MAPK10: variants seen among roughly 807,000 people sequenced by gnomAD.
The protein encoded by MAPK10 is mitogen-activated protein kinase 10.
MAPK10 carries 25 observed loss-of-function variants against 59.3 expected under a neutral mutation model. The ratio of observed to expected loss-of-function variants is 0.42; its 90% confidence interval spans 0.31 to 0.59. MAPK10 has a LOEUF of 0.59. MAPK10 is among the 20% of genes least tolerant of loss of function. MAPK10 has a pLI of 0.15. For synonymous variants in MAPK10, 190 were observed against 200.5 expected (o/e 0.95, Z 0.44); for missense variants, 351 against 568.9 (o/e 0.62, Z 3.90).
intron 1 of MAPK10, among the ~76,000 whole-genome samples, chr4:86,481,126 G>A (rs570268272): frequency 6.0e-4 from 91 of 152,278 alleles, no homozygotes; most frequent in Non-Finnish European, 9.9e-4. Flanking sequence ...TCCTAAACAG[G>A]AAACCAGTGG....
intron 1 of MAPK10, among the ~76,000 whole-genome samples, chr4:86,483,913 A>G (rs1468939591): frequency 6.6e-6 from 1 of 152,204 alleles, no homozygotes; most frequent in Non-Finnish European, 1.5e-5. Context: ...AGATTAAAGA[A>G]TAAGAGGTAG....
At chr4:86,389,113 G>T (rs572315012) in intron 1 of MAPK10, among the ~76,000 whole-genome samples, 1 of 152,224 alleles carries the variant, frequency 6.6e-6, no homozygotes, top group South Asian at 2.1e-4. Flanking sequence ...CTTTGGTGCT[G>T]TTCTCCTGCT....
At chr4:86,166,250 A>T (rs982835726) in intron 3 of MAPK10, among the ~76,000 whole-genome samples, 1 of 152,228 alleles carries the variant, frequency 6.6e-6, no homozygotes, top group Non-Finnish European at 1.5e-5. Context: ...GCAGCTTCTC[A>T]TCTAACTATC....
chr4:86,286,007 T>A (rs2094993460), intron 2 of MAPK10, among the ~76,000 whole-genome samples: 1 of 152,210 alleles, frequency 6.6e-6, no homozygotes, highest in Admixed American at 6.5e-5. Context: ...GTGAGGGCAA[T>A]ACTCTTTACT....
At chr4:86,355,223 A>G (rs1733786799) in intron 1 of MAPK10, among the ~76,000 whole-genome samples, 1 of 152,170 alleles carries the variant, frequency 6.6e-6, no homozygotes, top group Admixed American at 6.6e-5. Context: ...GCAGTCTGCA[A>G]CATTCTACCC....
intron 3 of MAPK10, among the ~76,000 whole-genome samples, chr4:86,165,131 AT>A (rs2071176067): frequency 6.6e-6 from 1 of 152,122 alleles, no homozygotes; most frequent in African/African-American, 2.4e-5. Context: ...TCTGCTGGAT[AT>A]TTTTTTAGTA....
chr4:86,194,892 G>T (rs946118560), intron 2 of MAPK10, among the ~76,000 whole-genome samples: 1 of 151,806 alleles, frequency 6.6e-6, no homozygotes, highest in African/African-American at 2.4e-5. Flanking sequence ...ACATGATATT[G>T]ACCGAGAAGA....
intron 2 of MAPK10, among the ~76,000 whole-genome samples, chr4:86,340,864 G>A (rs1724490918): frequency 6.6e-6 from 1 of 152,172 alleles, no homozygotes; most frequent in Non-Finnish European, 1.5e-5. Flanking sequence ...AATATATTCT[G>A]TTTTGCCTTA....
At chr4:86,219,073 T>G (rs1216904048) in intron 2 of MAPK10, among the ~76,000 whole-genome samples, 2 of 152,214 alleles carry the variant, frequency 1.3e-5, no homozygotes, top group African/African-American at 4.8e-5. Flanking sequence ...CGTTCCTGTT[T>G]CTATTGATAG....
At chr4:86,124,468 G>A (rs1435315354) in intron 4 of MAPK10, 6 of 150,138 alleles carry the variant, frequency 4.0e-5, no homozygotes, top group Admixed American at 3.3e-4. Flanking sequence ...TAAACTTTGG[G>A]TGCTTTTTTT....
intron 1 of MAPK10, among the ~76,000 whole-genome samples, chr4:86,406,330 G>T (rs553979286): frequency 1.3e-5 from 2 of 152,256 alleles, no homozygotes; most frequent in East Asian, 3.9e-4. Context: ...CAGTTATTCC[G>T]CTGCAAGCTA....
intron 1 of MAPK10, among the ~76,000 whole-genome samples, chr4:86,429,182 T>G (rs1410067390): frequency 6.6e-6 from 1 of 152,198 alleles, no homozygotes; most frequent in Non-Finnish European, 1.5e-5. Context: ...ATAATTACTA[T>G]GTAAATTTAG....
chr4:86,514,570 CCTCTA>C (rs1257595215), intron 1 of MAPK10, among the ~76,000 whole-genome samples: 9 of 152,130 alleles, frequency 5.9e-5, no homozygotes. Flanking sequence ...ACATAATACA[CCTCTA>C]CTCAAGTTTA....
At chr4:86,390,771 G>A (rs965259869) in intron 1 of MAPK10, among the ~76,000 whole-genome samples, 5 of 152,168 alleles carry the variant, frequency 3.3e-5, no homozygotes, top group South Asian at 2.1e-4. Context: ...ACATCCAATC[G>A]TGAAGGTCTG....
intron 4 of MAPK10, among the ~76,000 whole-genome samples, chr4:86,139,541 A>G (rs1562226269): frequency 6.6e-6 from 1 of 152,140 alleles, no homozygotes; most frequent in Non-Finnish European, 1.5e-5. Flanking sequence ...TTCAAGATGG[A>G]TTAAAGACTT....
intron 1 of MAPK10, among the ~76,000 whole-genome samples, chr4:86,403,614 A>G (rs913371256): frequency 2.0e-5 from 3 of 152,176 alleles, no homozygotes; most frequent in South Asian, 4.1e-4. Flanking sequence ...ATGGCTGAAG[A>G]AGCCTCAGGA....
intron 1 of MAPK10, among the ~76,000 whole-genome samples, chr4:86,444,824 A>G (rs569821675): frequency 6.6e-6 from 1 of 152,316 alleles, no homozygotes; most frequent in East Asian, 1.9e-4. Context: ...AAAAGAGCTC[A>G]ACATCATTGA....
chr4:86,020,032 A>G (rs1356959797), intron 13 of MAPK10, among the ~76,000 whole-genome samples: 1 of 152,164 alleles, frequency 6.6e-6, no homozygotes, highest in East Asian at 1.9e-4. Flanking sequence ...CCATCACCAC[A>G]ATCCATTTTG....
intron 2 of MAPK10, among the ~76,000 whole-genome samples, chr4:86,256,893 ATTGCG>A (rs58227844): frequency 0.33 from 49,165 of 149,654 alleles, 10,871 homozygotes; most frequent in African/African-American, 0.64. Context: ...GGCGCCCGCC[ATTGCG>A]CCCGCCATTG....
Sources: gnomAD v4.1 joint callset for allele counts (sites outside exome capture counted in the v4.1 genomes callset) on GRCh38, gnomAD v4.1.1 for gene constraint, MANE v1.5 for transcripts, NCBI Gene and HGNC (gene_info 2026-07-23, HGNC 2026-07-21) for gene names.